The following NBAS variants were observed in gnomAD, a reference collection of about 807,000 sequenced individuals.
NBAS encodes NAG/BC035112 fusion.
NBAS carries 219 observed loss-of-function variants against 302.5 expected under a neutral mutation model. The observed-to-expected ratio is 0.72, with a 90% CI of 0.65 to 0.81. The LOEUF is 0.81. Among genes scored for constraint, NBAS ranks in the 30% least tolerant of loss-of-function variants. NBAS has a pLI of 0.00. For missense variants in NBAS, 2,932 were observed against 2,841.6 expected (o/e 1.03, Z -0.72); for synonymous variants, 1,118 against 1,021.6 (o/e 1.09, Z -1.80).
At chr2:15,314,006 C>A (rs1158062044) in intron 38 of NBAS, among the ~76,000 whole-genome samples, 1 of 152,128 alleles carries the variant, frequency 6.6e-6, no homozygotes, top group African/African-American at 2.4e-5. Context: ...GTTCTATTAT[C>A]CAGACAGCCC....
the NBAS span, among the ~76,000 whole-genome samples, chr2:15,159,803 GCACA>G: frequency 0.023 from 3,355 of 147,336 alleles, 87 homozygotes; most frequent in African/African-American, 0.065. Flanking sequence ...ACACACGCGT[GCACA>G]CACACACACA....
At chr2:14,874,246 C>T in the NBAS span, among the ~76,000 whole-genome samples, 2 of 152,100 alleles carry the variant, frequency 1.3e-5, no homozygotes, top group Admixed American at 1.3e-4. Context: ...AATAGTAATT[C>T]TACATATGTT....
chr2:15,048,745 T>C, the NBAS span, among the ~76,000 whole-genome samples: 3,029 of 152,322 alleles, frequency 0.02, 102 homozygotes, highest in African/African-American at 0.068. Context: ...TCCTGATTCC[T>C]GGCCCTGCAT....
At chr2:14,928,955 G>C in the NBAS span, among the ~76,000 whole-genome samples, 2 of 152,148 alleles carry the variant, frequency 1.3e-5, no homozygotes, top group Non-Finnish European at 2.9e-5. Flanking sequence ...GATCAGGCTT[G>C]AATTGAGCCA....
At chr2:15,540,632 T>C (rs915566282) in intron 6 of NBAS, among the ~76,000 whole-genome samples, 1 of 152,126 alleles carries the variant, frequency 6.6e-6, no homozygotes, top group African/African-American at 2.4e-5. Context: ...CAGTTTTGCC[T>C]TCTACCACTT....
chr2:15,261,296 G>T (rs538415021), intron 44 of NBAS, among the ~76,000 whole-genome samples: 1 of 152,146 alleles, frequency 6.6e-6, no homozygotes, highest in Admixed American at 6.5e-5. Context: ...AGTATAGCAC[G>T]TTAAGTGCTG....
Position 15,475,777 on chromosome 2 carries a change from A to C in NBAS, c.1251T>G (p.Thr417=). ...SGALTVSSVK[T]LKNLLGKSCE... ...AGGATTTTCCCAGTAAATTCTTCAAAGTTTTCACAGATGAAACAGTTAAAG... is the reference window on the plus strand; with the variant it reads ...AGGATTTTCCCAGTAAATTCTTCAACGTTTTCACAGATGAAACAGTTAAAG... Residue 417 remains threonine, a synonymous_variant, in exon 14 of 52, where the codon ACT becomes ACG. Coordinates refer to ENST00000281513, the MANE Select transcript of NBAS (RefSeq NM_015909.4). The C allele has an allele frequency of 6.2e-7, 1 of 1,614,130 alleles. No individual in the cohort carries two copies. Among genetic ancestry groups the C allele is most frequent in the African/African-American group, 1.3e-5 (1 of 75,040 alleles).
At chr2:15,486,763 A>G (rs1680645673) in intron 12 of NBAS, among the ~76,000 whole-genome samples, 1 of 152,162 alleles carries the variant, frequency 6.6e-6, no homozygotes, top group South Asian at 2.1e-4. Flanking sequence ...GAACCACTCT[A>G]AAAATCTAAT....
At chr2:14,811,984 G>A in the NBAS span, among the ~76,000 whole-genome samples, 1 of 152,218 alleles carries the variant, frequency 6.6e-6, no homozygotes, top group Non-Finnish European at 1.5e-5. Context: ...CTTAGGGGAT[G>A]AAAATGAGAT....
rs1403601001 is a variant in NBAS at position 15,553,474 on chromosome 2, C to T, written c.288-1G>A. The T allele has an allele frequency of 8.7e-6, 14 of 1,609,972 alleles. No homozygotes were observed. Among genetic ancestry groups the T allele is most frequent in the Non-Finnish European group, 1.1e-5 (13 of 1,176,444 alleles). On this transcript the variant is annotated splice_acceptor_variant, in intron 4 of 51. Transcript: ENST00000281513. LOFTEE classifies it high-confidence loss of function. ...AACAGCAGCCAAAAGCTTTCCATTGCTTTTATGGAGAAGAAAGAGGGGGAA... is the reference window on the plus strand; with the variant it reads ...AACAGCAGCCAAAAGCTTTCCATTGTTTTTATGGAGAAGAAAGAGGGGGAA...
chr2:15,330,513 T>C lies in NBAS; in HGVS notation c.4347+85A>G, dbSNP rs1033596635. ...TTTAACAATCTAGAGAAGATAAAGA[T>C]ATAACAGTGAAAACAACTGAAACAT... On this transcript the variant is annotated intron_variant, in intron 36 of 51. Coordinates refer to ENST00000281513, the MANE Select transcript of NBAS (RefSeq NM_015909.4). The C allele has an allele frequency of 6.0e-5, 92 of 1,537,992 alleles. No homozygotes were observed. In the African/African-American group the frequency reaches 1.2e-3, roughly 20 times the overall value.
the NBAS span, among the ~76,000 whole-genome samples, chr2:15,138,529 C>T: frequency 1.3e-5 from 2 of 152,050 alleles, no homozygotes; most frequent in East Asian, 1.9e-4. Context: ...CCTTTTATCC[C>T]GGGGAGCAGC....
chr2:15,323,949 C>T (rs928421766), intron 38 of NBAS, among the ~76,000 whole-genome samples: 1 of 149,868 alleles, frequency 6.7e-6, no homozygotes, highest in Non-Finnish European at 1.5e-5. Context: ...ATTCTAGGGC[C>T]ACAATATTTC....
At chr2:14,917,150 T>C in the NBAS span, among the ~76,000 whole-genome samples, 977 of 152,338 alleles carry the variant, frequency 6.4e-3, 10 homozygotes, top group African/African-American at 0.021. Context: ...TGTTGTCTCA[T>C]GATTGTTTCA....
intron 45 of NBAS, among the ~76,000 whole-genome samples, chr2:15,237,660 A>G (rs949328508): frequency 3.3e-5 from 5 of 151,008 alleles, no homozygotes; most frequent in African/African-American, 7.3e-5. Context: ...CAGTGGAGCA[A>G]TCTCAGCTCA....
intron 51 of NBAS, among the ~76,000 whole-genome samples, chr2:15,167,684 C>T (rs919688099): frequency 6.6e-6 from 1 of 152,220 alleles, no homozygotes; most frequent in Non-Finnish European, 1.5e-5. Flanking sequence ...GGTGTAGCAA[C>T]TTTGCTTAAC....
intron 22 of NBAS, among the ~76,000 whole-genome samples, chr2:15,426,490 T>C (rs981061300): frequency 6.6e-6 from 1 of 152,226 alleles, no homozygotes; most frequent in African/African-American, 2.4e-5. Flanking sequence ...ACTGGTCTCT[T>C]ACTTTCTAGC....
chr2:15,488,384 A>C (rs1313720909), intron 12 of NBAS, among the ~76,000 whole-genome samples: 1 of 152,134 alleles, frequency 6.6e-6, no homozygotes, highest in Admixed American at 6.5e-5. Flanking sequence ...ACATAACAAA[A>C]TCATCTAATC....
At chr2:14,907,519 G>C in the NBAS span, 1 of 152,258 alleles carries the variant, frequency 6.6e-6, no homozygotes, top group Non-Finnish European at 1.5e-5. Flanking sequence ...GAAGCAGCGA[G>C]CACCATCCAG....
Sources: allele counts gnomAD v4.1 joint callset (sites outside exome capture counted in the v4.1 genomes callset), GRCh38; gene constraint gnomAD v4.1.1; transcripts MANE v1.5; gene names NCBI Gene and HGNC (gene_info 2026-07-23, HGNC 2026-07-21).